ACACA: variants seen among roughly 807,000 people sequenced by gnomAD.
ACACA encodes the protein acetyl-CoA carboxylase alpha.
In ACACA, 103 loss-of-function variants were observed where a neutral mutation model predicts 296.1. The observed-to-expected ratio is 0.35, with a 90% confidence interval of 0.30 to 0.41. The LOEUF (loss-of-function observed/expected upper bound fraction) is 0.41. Among genes scored for constraint, ACACA ranks in the 10% least tolerant of loss-of-function variants. ACACA has a pLI of 1.00. For synonymous variants in ACACA, 953 were observed against 1,038.6 expected (o/e 0.92, Z 1.58); for missense variants, 1,554 against 2,989.7 (o/e 0.52, Z 11.20).
chr17:37,165,706 GCT>G (rs529110104), intron 41 of ACACA, among the ~76,000 whole-genome samples: 216 of 143,680 alleles, frequency 1.5e-3, no homozygotes, highest in African/African-American at 5.4e-3. Flanking sequence ...ACAGAGTCTC[GCT>G]CTGTCACCCA....
At chr17:37,143,987 G>A in intron 45 of ACACA, 1 of 841,278 alleles carries the variant, frequency 1.2e-6, no homozygotes, top group Non-Finnish European at 2.1e-6. Context: ...GAATACAACA[G>A]GAAGAACGCT....
At position 37,270,751 on chromosome 17, in the gene ACACA, C is replaced by T. The variant is rs375685034; in HGVS notation, c.1119G>A (p.Gln373=). The T allele has an allele frequency of 1.0e-5, 16 of 1,607,500 alleles. No individual in the cohort carries two copies. In the African/African-American group the frequency reaches 2.0e-4, roughly 20 times the overall value. The change falls in exon 10 of 56, where the codon CAG becomes CAA. Residue 373 remains glutamine, a splice_region_variant and synonymous_variant. Transcript: ENST00000616317. ...CAAACAAAAACAGCTTATACTCTACCTGTCTGAAGAGATTAGGGAAGTCAT... is the reference window on the plus strand; with the variant it reads ...CAAACAAAAACAGCTTATACTCTACTTGTCTGAAGAGATTAGGGAAGTCAT... ...NADDFPNLFR[Q]VQAEVPGSPI...
At chr17:37,249,863 G>A (rs539727965) in intron 16 of ACACA, among the ~76,000 whole-genome samples, 3 of 152,276 alleles carry the variant, frequency 2.0e-5, no homozygotes, top group South Asian at 4.1e-4. Flanking sequence ...GGTGTGGGAC[G>A]GACCCAGTGG....
chr17:37,187,971 G>A (rs1484701851), intron 39 of ACACA, among the ~76,000 whole-genome samples: 2 of 152,046 alleles, frequency 1.3e-5, no homozygotes, highest in Non-Finnish European at 2.9e-5. Context: ...AATAACCCAC[G>A]AGCCCTCTAA....
At chr17:37,325,134 G>A (rs930615135) in intron 3 of ACACA, among the ~76,000 whole-genome samples, 1 of 151,476 alleles carries the variant, frequency 6.6e-6, no homozygotes, top group Non-Finnish European at 1.5e-5. Context: ...CCAGGAGGCG[G>A]AGGTTGCAGT....
rs377577987 is a variant in ACACA at position 37,303,493 on chromosome 17, C to A, written c.339-18523G>T. Among the ~76,000 whole-genome samples the A allele has an allele frequency of 8.5e-5, 13 of 152,236 alleles. No homozygotes were observed. The South Asian group carries it at 2.5e-3, about 29-fold the overall frequency. ...TATGTGGACATATGCTTTCCTTTCT[C>A]TTGGGTATACAATAAGGAGTGAAGC... On this transcript the variant is annotated intron_variant, in intron 3 of 55. Transcript: ENST00000616317.
intron 3 of ACACA, among the ~76,000 whole-genome samples, chr17:37,329,678 A>C (rs1229763908): frequency 6.7e-6 from 1 of 148,590 alleles, no homozygotes; most frequent in Non-Finnish European, 1.5e-5. Context: ...GGGGTAGCTC[A>C]CACCTCTAAT....
intron 23 of ACACA, 84 bp from the exon 24 acceptor site, chr17:37,240,648 C>T (rs1158757510): frequency 1.7e-5 from 17 of 998,084 alleles, no homozygotes; most frequent in South Asian, 1.4e-4. Context: ...TTTACCTCCA[C>T]GACATTCCAC....
At chr17:37,380,904 T>TCTATATTCTACTAGCCCCCTATTGATATA (rs1568079850) in intron 1 of ACACA, among the ~76,000 whole-genome samples, 3 of 151,574 alleles carry the variant, frequency 2.0e-5, no homozygotes, top group African/African-American at 7.3e-5. Flanking sequence ...CCAGGTTTTT[T>TCTATATTCTACTAGCCCCCTATTGATATA]TTTTTTTTAA....
chr17:37,399,976 G>A (rs548669785), intron 1 of ACACA, among the ~76,000 whole-genome samples: 1 of 152,176 alleles, frequency 6.6e-6, no homozygotes, highest in South Asian at 2.1e-4. Flanking sequence ...TGTACTCATT[G>A]TGGAATGGCT....
intron 1 of ACACA, among the ~76,000 whole-genome samples, chr17:37,360,843 T>C (rs979131341): frequency 6.6e-6 from 1 of 152,040 alleles, no homozygotes; most frequent in Non-Finnish European, 1.5e-5. Flanking sequence ...GACTTCCTGG[T>C]TTAGTAAGAT....
Position 37,244,584 on chromosome 17 carries a change from A to T in ACACA, c.2742+4T>A. On this transcript the variant is annotated splice_donor_region_variant and intron_variant, in intron 21 of 55. Coordinates refer to ENST00000616317, the MANE Select transcript of ACACA (RefSeq NM_198834.3). ...ATCCCTTCCCCAGGAGACGTGATAC[A>T]TACCTTGCTGCTAAAGAAAGGATCT... 1 of 1,614,122 alleles carries T rather than the reference A, an allele frequency of 6.2e-7. No individual in the cohort carries two copies. The highest frequency in any genetic ancestry group is 8.5e-7 in the Non-Finnish European group (1 of 1,179,954).
chr17:37,348,854 CAGGAG>C (rs2048751303), intron 1 of ACACA, among the ~76,000 whole-genome samples: 1 of 149,092 alleles, frequency 6.7e-6, no homozygotes, highest in Non-Finnish European at 1.5e-5. Context: ...GAGGCTGAGG[CAGGAG>C]AATGGCGTGA....
chr17:37,121,587 C>A lies in ACACA; in HGVS notation c.6139-97G>T, dbSNP rs556599163. 5.5e-5 allele frequency: 82 copies of A among 1,488,572 alleles called. No individual in the cohort carries two copies. The East Asian group carries it at 1.8e-3, about 32-fold the overall frequency. The allele number at this position is 1,488,572 out of a possible 1,614,324, so 92.2% of individuals were successfully genotyped here. Reference sequence around the variant, plus strand: ...GATTTTACTTATTTAAAACTGAAAACTAAAAATCAGATCAACAAAAACTAT... The same window carrying A: ...GATTTTACTTATTTAAAACTGAAAAATAAAAATCAGATCAACAAAAACTAT... On this transcript the variant is annotated intron_variant, in intron 49 of 55. Coordinates refer to ENST00000616317, the MANE Select transcript of ACACA (RefSeq NM_198834.3).
intron 41 of ACACA, among the ~76,000 whole-genome samples, chr17:37,170,061 A>AT (rs1036482688): frequency 6.6e-5 from 10 of 152,134 alleles, no homozygotes; most frequent in African/African-American, 2.4e-4. Context: ...ATAGCCATGA[A>AT]TAAGTTTTAA....
At chr17:37,239,288 A>C (rs2145907868) in intron 24 of ACACA, among the ~76,000 whole-genome samples, 1 of 152,330 alleles carries the variant, frequency 6.6e-6, no homozygotes, top group South Asian at 2.1e-4. Context: ...GGCTTTCTAA[A>C]GAGACACCCT....
intron 28 of ACACA, among the ~76,000 whole-genome samples, chr17:37,222,778 C>A (rs1223627662): frequency 6.6e-6 from 1 of 152,216 alleles, no homozygotes; most frequent in Non-Finnish European, 1.5e-5. Flanking sequence ...ATAAAATCAT[C>A]TAAAACACTC....
chr17:37,156,305 C>T (rs12601087), intron 42 of ACACA, among the ~76,000 whole-genome samples: 19,257 of 151,992 alleles, frequency 0.13, 1,868 homozygotes, highest in East Asian at 0.45. Flanking sequence ...CCTCGTGATC[C>T]GCCCGCCTCG....
intron 1 of ACACA, among the ~76,000 whole-genome samples, chr17:37,400,995 T>A (rs912825222): frequency 6.6e-6 from 1 of 152,158 alleles, no homozygotes; most frequent in African/African-American, 2.4e-5. Context: ...GCTGTACTAA[T>A]TTACATTCCC....
Sources: gnomAD v4.1 joint callset for allele counts (sites outside exome capture counted in the v4.1 genomes callset) on GRCh38, gnomAD v4.1.1 for gene constraint, MANE v1.5 for transcripts, NCBI Gene and HGNC (gene_info 2026-07-23, HGNC 2026-07-21) for gene names.